Variants in ZNF664 observed in about 807,000 individuals in gnomAD.
ZNF664 encodes zinc finger protein 664, also known as zinc finger Organ of Corti 1.
ZNF664 carries 10 observed loss-of-function variants against 18.2 expected under a neutral mutation model. The observed-to-expected ratio is 0.55, with a 90% CI of 0.34 to 0.93. The LOEUF (loss-of-function observed/expected upper bound fraction) is 0.93. ZNF664 is among the 40% of genes least tolerant of loss of function. The pLI, the probability that ZNF664 is intolerant of heterozygous loss-of-function variation, is 0.02. For missense variants in ZNF664, 193 were observed against 319.0 expected (o/e 0.61, Z 3.01); for synonymous variants, 119 against 104.2 (o/e 1.14, Z -0.86).
intron 3 of ZNF664, among the ~76,000 whole-genome samples, chr12:123,993,932 T>C (rs77887816): frequency 1.3e-5 from 2 of 152,338 alleles, no homozygotes; most frequent in East Asian, 3.9e-4. Context: ...CAGTGTCAGA[T>C]AGATGCACAG....
chr12:123,975,421 T>TAAA (rs79980583), intron 2 of ZNF664, among the ~76,000 whole-genome samples: 1 of 138,676 alleles, frequency 7.2e-6, no homozygotes, highest in Non-Finnish European at 1.6e-5. Flanking sequence ...TCCTCTTCAT[T>TAAA]AAAAAAAAAA....
chr12:123,979,513 C>T (rs137877854), intron 2 of ZNF664, among the ~76,000 whole-genome samples: 2 of 152,234 alleles, frequency 1.3e-5, no homozygotes, highest in East Asian at 3.9e-4. Flanking sequence ...GTTGATTTAG[C>T]AGCTACACTT....
chr12:124,011,739 A>G lies in ZNF664; in HGVS notation c.-406A>G. The G allele has an allele frequency of 9.5e-7, 1 of 1,053,354 alleles. No individual in the cohort carries two copies. The highest frequency in any genetic ancestry group is 1.1e-6 in the Non-Finnish European group (1 of 876,426). The allele number at this position is 1,053,354 out of a possible 1,614,324, so 65.3% of individuals were successfully genotyped here. ...TCTCATCCTTCGATACAGGGGATAT[A>G]CTGTACAGTCCTTTTTCTAGAAGTG... On this transcript the variant is annotated 5_prime_UTR_variant, in exon 5 of 5. In the 5' UTR this introduces an upstream ATG that the reference lacks. Coordinates refer to ENST00000337815, the MANE Select transcript of ZNF664 (RefSeq NM_152437.3).
At chr12:124,005,520 T>TGTGTGTGTGTGA in intron 3 of ZNF664, among the ~76,000 whole-genome samples, 1 of 149,538 alleles carries the variant, frequency 6.7e-6, no homozygotes, top group African/African-American at 2.5e-5. Flanking sequence ...TGTGTGTGTG[T>TGTGTGTGTGTGA]GTGTGAGAGA....
intron 3 of ZNF664, chr12:124,004,970 TGTA>T (rs1957054108): frequency 6.3e-6 from 1 of 157,500 alleles, no homozygotes; most frequent in Non-Finnish European, 1.4e-5. Context: ...TATATTACAA[TGTA>T]ATAATAATAG....
At chr12:123,996,955 C>T (rs1335258375) in intron 3 of ZNF664, among the ~76,000 whole-genome samples, 1 of 152,092 alleles carries the variant, frequency 6.6e-6, no homozygotes, top group African/African-American at 2.4e-5. Flanking sequence ...ATGTATGTGT[C>T]GTTGACTTTT....
chr12:124,009,970 G>T (rs1197596512), intron 3 of ZNF664, among the ~76,000 whole-genome samples: 3 of 148,816 alleles, frequency 2.0e-5, no homozygotes, highest in Non-Finnish European at 3.0e-5. Context: ...TTTTTGTCTT[G>T]TGAGGAGGTG....
intron 3 of ZNF664, among the ~76,000 whole-genome samples, chr12:123,996,594 G>A (rs546974478): frequency 2.8e-4 from 43 of 152,250 alleles, no homozygotes; most frequent in African/African-American, 8.9e-4. Flanking sequence ...ATACTTCCAC[G>A]GAATGGAAAT....
intron 2 of ZNF664, among the ~76,000 whole-genome samples, chr12:123,974,882 C>CT (rs1395811309): frequency 9.2e-5 from 14 of 152,152 alleles, no homozygotes; most frequent in African/African-American, 2.2e-4. Context: ...TTTAAAACAG[C>CT]TTTTTTGCTG....
At chr12:123,989,348 G>T (rs962793278) in intron 3 of ZNF664, 3 of 152,340 alleles carry the variant, frequency 2.0e-5, no homozygotes, top group African/African-American at 7.2e-5. Context: ...GTGGACCCTG[G>T]CACAAGGGCA....
chr12:124,010,235 C>T (rs1174810688), intron 3 of ZNF664, among the ~76,000 whole-genome samples: 1 of 152,200 alleles, frequency 6.6e-6, no homozygotes, highest in Non-Finnish European at 1.5e-5. Context: ...CACCTATAAG[C>T]AGTCCAGTTT....
chr12:123,979,763 T>G (rs911406535), intron 2 of ZNF664, among the ~76,000 whole-genome samples: 3 of 152,110 alleles, frequency 2.0e-5, no homozygotes, highest in Non-Finnish European at 4.4e-5. Flanking sequence ...CAGTGTAGCC[T>G]CAGCCTCCTG....
intron 2 of ZNF664, among the ~76,000 whole-genome samples, chr12:123,982,991 C>T (rs747032934): frequency 2.0e-5 from 3 of 152,036 alleles, no homozygotes; most frequent in African/African-American, 4.8e-5. Flanking sequence ...CCCGTCTCTA[C>T]CAAAAATACA....
chr12:123,973,769 G>C (rs1199673868), intron 1 of ZNF664, 117 bp from the exon 2 acceptor site: 3 of 1,227,298 alleles, frequency 2.4e-6, no homozygotes, highest in Non-Finnish European at 3.0e-6. Context: ...CCGTGGAGCC[G>C]CGTCTTGGAG....
intron 3 of ZNF664, among the ~76,000 whole-genome samples, chr12:123,991,001 C>T (rs1956882551): frequency 6.6e-6 from 1 of 152,164 alleles, no homozygotes; most frequent in Non-Finnish European, 1.5e-5. Context: ...GCCGAGTAAA[C>T]TGAGGCTGGT....
chr12:124,001,948 A>G (rs947921896), intron 3 of ZNF664, among the ~76,000 whole-genome samples: 2 of 152,262 alleles, frequency 1.3e-5, no homozygotes, highest in African/African-American at 4.8e-5. Context: ...AGGAGCTTGC[A>G]TTCAAGAGAG....
intron 2 of ZNF664, among the ~76,000 whole-genome samples, chr12:123,980,259 T>G (rs1956748034): frequency 2.0e-5 from 3 of 152,164 alleles, no homozygotes; most frequent in African/African-American, 7.2e-5. Flanking sequence ...TTGCTTCAGT[T>G]TTTTTTACAA....
At chr12:124,008,959 GC>G (rs540337141) in intron 3 of ZNF664, among the ~76,000 whole-genome samples, 60 of 152,146 alleles carry the variant, frequency 3.9e-4, no homozygotes, top group African/African-American at 1.4e-3. Context: ...CTGTAGGTGT[GC>G]TCATTGCTAT....
chr12:123,997,363 C>G (rs1956962076), intron 3 of ZNF664, among the ~76,000 whole-genome samples: 1 of 152,158 alleles, frequency 6.6e-6, no homozygotes, highest in East Asian at 1.9e-4. Context: ...AGCTGGGAGG[C>G]TTAAAACAAT....
Sources: allele counts gnomAD v4.1 joint callset (sites outside exome capture counted in the v4.1 genomes callset), GRCh38; gene constraint gnomAD v4.1.1; transcripts MANE v1.5; gene names NCBI Gene and HGNC (gene_info 2026-07-23, HGNC 2026-07-21).